UBE2V2: variants seen among roughly 807,000 people sequenced by gnomAD.
The protein encoded by UBE2V2 is ubiquitin-conjugating enzyme E2 variant 2.
Under a neutral mutation model 17.2 loss-of-function variants are expected in UBE2V2, and 9 were observed. The observed-to-expected ratio is 0.52, with a 90% confidence interval of 0.32 to 0.91. The LOEUF (loss-of-function observed/expected upper bound fraction) is 0.91, where lower values mean the gene tolerates loss of function less well. Among genes scored for constraint, UBE2V2 ranks in the 40% least tolerant of loss-of-function variants. The probability of loss-of-function intolerance (pLI) is 0.04; values close to 1 mark genes in which losing one functional copy is unlikely to be tolerated. For synonymous variants in UBE2V2, 61 were observed against 57.5 expected, an observed-to-expected ratio of 1.06 and a Z score of -0.28; for missense variants, 133 against 182.6, an observed-to-expected ratio of 0.73 and a Z score of 1.56.
In UBE2V2 at chr8:48,062,349, T is replaced by G. The variant is rs2154508391; in HGVS notation, c.*1521T>G. On this transcript the variant is annotated 3_prime_UTR_variant, in exon 4 of 4. Transcript: ENST00000523111. ...GCTCATGCCGCTAATCCCAGCACTT[T>G]GGGAGGCTGAGACGGGCAGATCACT... 6.6e-6 allele frequency: 1 copy of G among 152,292 alleles called. No homozygotes were observed. The highest frequency in any genetic ancestry group is 2.1e-4 in the South Asian group (1 of 4,824). The allele number at this position is 152,292 out of a possible 1,614,324, so 9.4% of individuals were successfully genotyped here.
upstream of UBE2V2, among the ~76,000 whole-genome samples, chr8:48,005,692 C>T (rs2154506439): frequency 6.6e-6 from 1 of 152,266 alleles, no homozygotes; most frequent in South Asian, 2.1e-4. Context: ...TGTTTCCTGA[C>T]TTTTTAATGA....
At chr8:48,050,054 T>G in intron 3 of UBE2V2, 76 bp downstream of exon 3, 2 of 1,039,232 alleles carry the variant, frequency 1.9e-6, no homozygotes, top group South Asian at 5.9e-5. Context: ...CACACCATAA[T>G]ATATGTAAGA....
intron 1 of UBE2V2, among the ~76,000 whole-genome samples, chr8:48,036,954 C>A (rs544627802): frequency 1.3e-5 from 2 of 151,838 alleles, no homozygotes; most frequent in African/African-American, 4.8e-5. Flanking sequence ...CCAAGGTGGG[C>A]GGATCACAAG....
intron 1 of UBE2V2, among the ~76,000 whole-genome samples, chr8:48,021,572 CT>C (rs573293102): frequency 4.9e-4 from 74 of 152,246 alleles, no homozygotes; most frequent in African/African-American, 1.7e-3. Context: ...TCCCAAAGTG[CT>C]GGGATTACAA....
intron 1 of UBE2V2, among the ~76,000 whole-genome samples, chr8:48,012,595 G>A (rs1314741593): frequency 6.6e-6 from 1 of 151,848 alleles, no homozygotes; most frequent in African/African-American, 2.4e-5. Context: ...GCACATGCCT[G>A]TAATTCCAGC....
intron 1 of UBE2V2, among the ~76,000 whole-genome samples, chr8:48,009,011 A>G (rs1481734115): frequency 6.6e-6 from 1 of 152,092 alleles, no homozygotes; most frequent in Non-Finnish European, 1.5e-5. Context: ...TCTTTTTATT[A>G]TTTATGAGGA....
At chr8:48,055,609 A>G (rs1386403773) in intron 3 of UBE2V2, among the ~76,000 whole-genome samples, 1 of 152,096 alleles carries the variant, frequency 6.6e-6, no homozygotes, top group Admixed American at 6.6e-5. Context: ...TTAAAGGGTA[A>G]AATTCAAGGG....
At chr8:48,024,004 G>C (rs935649520) in intron 1 of UBE2V2, among the ~76,000 whole-genome samples, 1 of 152,180 alleles carries the variant, frequency 6.6e-6, no homozygotes, top group Non-Finnish European at 1.5e-5. Flanking sequence ...TCAGGACTGG[G>C]TTTGGGAGTG....
rs118161501 is a variant in UBE2V2 at position 48,034,932 on chromosome 8, C to G, written c.17-8101C>G. On this transcript the variant is annotated intron_variant, in intron 1 of 3. Coordinates refer to ENST00000523111, the MANE Select transcript of UBE2V2 (RefSeq NM_003350.3). ...TGTTGCCCGGGACGCCTTGCTCCCC[C>G]TCCCTGCAGCCTCTCCAGGTGGCCA... The G allele has an allele frequency of 8.3e-4, 664 of 796,806 alleles. 12 individuals carry two copies. In the East Asian group the frequency reaches 0.039, roughly 47 times the overall value. The allele number at this position is 796,806 out of a possible 1,614,324, so 49.4% of individuals were successfully genotyped here.
At chr8:48,026,573 A>T (rs1357044025) in intron 1 of UBE2V2, among the ~76,000 whole-genome samples, 3 of 152,162 alleles carry the variant, frequency 2.0e-5, no homozygotes, top group African/African-American at 7.2e-5. Flanking sequence ...TTTAGCTCTC[A>T]CTGTTCTATA....
chr8:48,033,241 C>A (rs1362832618), intron 1 of UBE2V2, among the ~76,000 whole-genome samples: 1 of 151,736 alleles, frequency 6.6e-6, no homozygotes, highest in African/African-American at 2.4e-5. Flanking sequence ...GGCTGGAGTG[C>A]AGTGGTGTGA....
intron 1 of UBE2V2, among the ~76,000 whole-genome samples, chr8:48,013,324 T>G (rs75316263): frequency 6.6e-6 from 1 of 151,850 alleles, no homozygotes. Flanking sequence ...TTTTTTTTTT[T>G]TGAGATGAAG....
chr8:48,052,382 A>G (rs1023843781), intron 3 of UBE2V2, among the ~76,000 whole-genome samples: 4 of 152,134 alleles, frequency 2.6e-5, no homozygotes, highest in Non-Finnish European at 4.4e-5. Context: ...ATTGTCATGG[A>G]AGCTAGGAAA....
chr8:48,016,692 G>T (rs948540964), intron 1 of UBE2V2, among the ~76,000 whole-genome samples: 26 of 150,342 alleles, frequency 1.7e-4, no homozygotes, highest in Admixed American at 6.7e-5. Flanking sequence ...ATGTTGGTGA[G>T]GCTGCTCTCG....
chr8:48,031,230 C>G (rs959147608), intron 1 of UBE2V2, among the ~76,000 whole-genome samples: 1 of 151,780 alleles, frequency 6.6e-6, no homozygotes, highest in Admixed American at 6.6e-5. Context: ...ACAAACCCCC[C>G]CCAACAACAA....
intron 1 of UBE2V2, among the ~76,000 whole-genome samples, chr8:48,020,500 GTAA>G (rs2091297708): frequency 6.6e-6 from 1 of 152,194 alleles, no homozygotes; most frequent in African/African-American, 2.4e-5. Context: ...TACATTTAGA[GTAA>G]TTATTGATAG....
chr8:48,035,481 A>T lies in UBE2V2; in HGVS notation c.17-7552A>T, dbSNP rs530686848. Among the ~76,000 whole-genome samples, 788 of 151,906 alleles carry T rather than the reference A, an allele frequency of 5.2e-3. 12 individuals are homozygous for T. Among genetic ancestry groups the T allele is most frequent in the African/African-American group, 0.018 (762 of 41,442 alleles). ...AGGTTTGCGCAGCTTCAAGGGGAGG[A>T]GGGGTGTGCCTGGGCCTGGAGGGTG... On this transcript the variant is annotated intron_variant, in intron 1 of 3. Transcript: ENST00000523111.
chr8:48,043,006 C>A, intron 1 of UBE2V2, 27 bp from the exon 2 acceptor site: 1 of 1,449,054 alleles, frequency 6.9e-7, no homozygotes, highest in South Asian at 1.7e-5. Flanking sequence ...GAGCTTTTTA[C>A]ATTTACACTG....
upstream of UBE2V2, among the ~76,000 whole-genome samples, chr8:48,005,958 T>C (rs1475181108): frequency 1.3e-5 from 2 of 152,256 alleles, no homozygotes; most frequent in African/African-American, 4.8e-5. Flanking sequence ...TCCCATTCTA[T>C]AGGTTGCCTG....
Sources: gnomAD v4.1 joint callset for allele counts (sites outside exome capture counted in the v4.1 genomes callset) on GRCh38, gnomAD v4.1.1 for gene constraint, MANE v1.5 for transcripts, NCBI Gene and HGNC (gene_info 2026-07-23, HGNC 2026-07-21) for gene names.